SCO1: variants seen among roughly 807,000 people sequenced by gnomAD.
SCO1 encodes the protein cytochrome c oxidase assembly factor SCO1.
Under a neutral mutation model 34.0 loss-of-function variants are expected in SCO1, and 23 were observed. That is an observed-to-expected ratio of 0.68 (90% CI 0.49 to 0.96). SCO1 has a LOEUF of 0.96. Among genes scored for constraint, SCO1 ranks in the 40% least tolerant of loss-of-function variants. SCO1 has a pLI of 0.00. For synonymous variants in SCO1, 161 were observed against 145.5 expected, an observed-to-expected ratio of 1.11 and a Z score of -0.77; for missense variants, 404 against 381.6, an observed-to-expected ratio of 1.06 and a Z score of -0.49.
chr17:10,693,374 G>T, intron 2 of SCO1, among the ~76,000 whole-genome samples: 1 of 152,058 alleles, frequency 6.6e-6, no homozygotes, highest in East Asian at 1.9e-4. Flanking sequence ...GGTGATAGTG[G>T]TGACGGGACC....
Position 10,680,847 on chromosome 17 carries a change from A to G in SCO1, c.*272T>C, listed in dbSNP as rs2662956. Reference sequence around the variant, plus strand: ...GTGCCTCGCCCCGCCATGTCCTTCCACAGGTGGGCTCTTCACTGGCTTCAC... The same window carrying G: ...GTGCCTCGCCCCGCCATGTCCTTCCGCAGGTGGGCTCTTCACTGGCTTCAC... On this transcript the variant is annotated 3_prime_UTR_variant, in exon 6 of 6. Coordinates refer to ENST00000255390, the MANE Select transcript of SCO1 (RefSeq NM_004589.4). The G allele has an allele frequency of 0.017, 8,455 of 506,918 alleles. 490 individuals are homozygous for G. Among genetic ancestry groups the G allele is most frequent in the African/African-American group, 0.13 (6,785 of 51,934 alleles). 31.4% of individuals were successfully genotyped at this position (506,918 alleles called of 1,614,324 possible).
intron 5 of SCO1, 49 bp from the exon 6 acceptor site, chr17:10,681,302 G>A: frequency 6.3e-7 from 1 of 1,598,436 alleles, no homozygotes; most frequent in South Asian, 1.1e-5. Context: ...AAAATAAGCT[G>A]CTTATTTTAC....
intron 5 of SCO1, among the ~76,000 whole-genome samples, chr17:10,681,823 T>C (rs1273273333): frequency 1.3e-5 from 2 of 152,214 alleles, no homozygotes; most frequent in Non-Finnish European, 2.9e-5. Flanking sequence ...AGAAAACTAA[T>C]CATTAGTTTA....
chr17:10,692,641 A>G, intron 3 of SCO1, 123 bp downstream of exon 3: 1 of 802,234 alleles, frequency 1.2e-6, no homozygotes, highest in Non-Finnish European at 2.1e-6. Context: ...CCAAATGCTG[A>G]GATTTTATGT....
Position 10,681,146 on chromosome 17 carries a change from G to C in SCO1, c.879C>G (p.His293Gln). The C allele has an allele frequency of 6.2e-7, 1 of 1,614,180 alleles. No homozygotes were observed. Among genetic ancestry groups the C allele is most frequent in the Non-Finnish European group, 8.5e-7 (1 of 1,180,014 alleles). ...AGCTCTTTTTTCTGTATGGCCTCAT[G>C]TGTGTGGCAATTGAAGCAGCTATTT... Reference protein sequence around the residue: ...KGEIAASIATHMRPYRKKS With the variant: ...KGEIAASIATQMRPYRKKS The change falls in exon 6 of 6, where the codon CAC becomes CAG. Residue 293 changes from histidine to glutamine, a missense_variant. By Grantham distance (24) the His-to-Gln change is conservative. Coordinates refer to ENST00000255390, the MANE Select transcript of SCO1 (RefSeq NM_004589.4).
intron 4 of SCO1, among the ~76,000 whole-genome samples, chr17:10,688,855 G>T (rs919985401): frequency 7.1e-6 from 1 of 140,990 alleles, no homozygotes; most frequent in Admixed American, 6.8e-5. Flanking sequence ...GGTGGCTCAC[G>T]CCTGTAATCC....
chr17:10,686,120 T>C (rs920590416), intron 5 of SCO1, among the ~76,000 whole-genome samples: 1 of 152,078 alleles, frequency 6.6e-6, no homozygotes, highest in Non-Finnish European at 1.5e-5. Context: ...CACATGCCTG[T>C]AATCCCAGCT....
chr17:10,694,489 A>G (rs775426171), intron 2 of SCO1, among the ~76,000 whole-genome samples: 10 of 152,220 alleles, frequency 6.6e-5, no homozygotes, highest in Non-Finnish European at 1.3e-4. Flanking sequence ...ACTGAACAGC[A>G]GCAAAATTAT....
chr17:10,688,817 A>G (rs2074672380), intron 4 of SCO1, among the ~76,000 whole-genome samples: 1 of 152,254 alleles, frequency 6.6e-6, no homozygotes, highest in African/African-American at 2.4e-5. Flanking sequence ...ATCTTTATCA[A>G]TAGAAAGCAG....
Position 10,680,964 on chromosome 17 carries a change from A to G in SCO1, c.*155T>C, listed in dbSNP as rs1364311010. 2 of 913,786 alleles carry G rather than the reference A, an allele frequency of 2.2e-6. No homozygotes were observed. Among genetic ancestry groups the G allele is most frequent in the Non-Finnish European group, 3.5e-6 (2 of 571,710 alleles). 56.6% of individuals were successfully genotyped at this position (913,786 alleles called of 1,614,324 possible). ...CAAGAATCAATTTTGGTTGAACGCA[A>G]GGGTAACATCCCCATCCAAAACAGA... is the stretch of plus-strand genomic sequence containing the variant. On this transcript the variant is annotated 3_prime_UTR_variant, in exon 6 of 6. Coordinates refer to ENST00000255390, the MANE Select transcript of SCO1 (RefSeq NM_004589.4).
rs1334028698 is a variant in SCO1 at position 10,679,964 on chromosome 17, G to GC, written c.*1154_*1155insG. The GC allele has an allele frequency of 8.0e-5, 6 of 74,686 alleles. No individual in the cohort carries two copies. Among genetic ancestry groups the GC allele is most frequent in the African/African-American group, 3.0e-4 (5 of 16,828 alleles). The allele number at this position is 74,686 out of a possible 1,614,324, so 4.6% of individuals were successfully genotyped here. Reference sequence around the variant, plus strand: ...AAATCTTCTGTAGAGATGGGGGCGGGGGGGGGGGGTCTCACTATGTTGCCC... The same window carrying GC: ...AAATCTTCTGTAGAGATGGGGGCGGGCGGGGGGGGGTCTCACTATGTTGCCC... On this transcript the variant is annotated 3_prime_UTR_variant, in exon 6 of 6. Coordinates refer to ENST00000255390, the MANE Select transcript of SCO1 (RefSeq NM_004589.4).
chr17:10,691,000 T>C (rs2520181), intron 4 of SCO1, among the ~76,000 whole-genome samples: 5,922 of 152,188 alleles, frequency 0.039, 374 homozygotes, highest in African/African-American at 0.13. Context: ...CTCACAGAAG[T>C]AGAGAGAAGA....
intron 4 of SCO1, 43 bp downstream of exon 4, chr17:10,691,829 A>T (rs1424853866): frequency 7.5e-7 from 1 of 1,325,520 alleles, no homozygotes. Flanking sequence ...TATTCCAAAA[A>T]CTTTAAGGCT....
chr17:10,691,937 GT>G lies in SCO1; in HGVS notation c.589del (p.Thr197LeufsTer21). 6.2e-7 allele frequency: 1 copy of G among 1,613,314 alleles called. No homozygotes were observed. Among genetic ancestry groups the G allele is most frequent in the Non-Finnish European group, 8.5e-7 (1 of 1,179,260 alleles). On this transcript the variant is annotated frameshift_variant, in exon 4 of 6. Transcript: ENST00000255390. LOFTEE classifies it high-confidence loss of function. Reference sequence around the variant, plus strand: ...TGGGTCAATGCTGATGAAAAGTGGAGTTAGATCTGGCAGAGTTGTAATGCTA... The same window carrying G: ...TGGGTCAATGCTGATGAAAAGTGGAGTAGATCTGGCAGAGTTGTAATGCTA... ...IDSITTLPDLTPLFISIDPER... is the reference protein window; with the variant it reads ...IDSITTLPDLXPLFISIDPER...
rs1294117212 is a variant in SCO1, at chr17:10,679,041, G to C, written c.*2078C>G. The stretch of plus-strand genomic sequence containing the variant: ...CCTCACTGCCACCTCTGCCTCCTGG[G>C]TTCAAGCGATTCTCCTGCCTCAGCC... On this transcript the variant is annotated 3_prime_UTR_variant, in exon 6 of 6. Coordinates refer to ENST00000255390, the MANE Select transcript of SCO1 (RefSeq NM_004589.4). 6.6e-6 allele frequency: 1 copy of C among 152,248 alleles called. No homozygotes were observed. The highest frequency in any genetic ancestry group is 2.4e-5 in the African/African-American group (1 of 41,406). 9.4% of individuals were successfully genotyped at this position (152,248 alleles called of 1,614,324 possible). A position where few individuals can be genotyped will look rare whatever the true frequency, so the allele number is the denominator to read the frequency against.
intron 5 of SCO1, among the ~76,000 whole-genome samples, chr17:10,685,296 A>G (rs1159651649): frequency 1.3e-5 from 2 of 152,216 alleles, no homozygotes; most frequent in Non-Finnish European, 2.9e-5. Context: ...TGCCCAAACA[A>G]TATTATAGAA....
chr17:10,691,380 C>CA (rs2074688250), intron 4 of SCO1, among the ~76,000 whole-genome samples: 1 of 152,134 alleles, frequency 6.6e-6, no homozygotes, highest in Non-Finnish European at 1.5e-5. Context: ...TTTGGTCTCC[C>CA]AAAGTGCTGG....
At chr17:10,683,086 T>C (rs2151452548) in intron 5 of SCO1, among the ~76,000 whole-genome samples, 1 of 152,306 alleles carries the variant, frequency 6.6e-6, no homozygotes, top group Non-Finnish European at 1.5e-5. Flanking sequence ...CCAGTTAATG[T>C]ATACAATGAA....
Position 10,681,224 on chromosome 17 carries a change from A to C in SCO1, c.801T>G (p.Ile267Met), listed in dbSNP as rs1256458760. 6.2e-7 allele frequency: 1 copy of C among 1,614,174 alleles called. No homozygotes were observed. Among genetic ancestry groups the C allele is most frequent in the East Asian group, 2.2e-5 (1 of 44,874 alleles). Residue 267 changes from isoleucine (I) to methionine (M), a missense_variant, in exon 6 of 6, where the codon ATT (isoleucine) becomes ATG (methionine). Transcript: ENST00000255390. ...AATCTAGAAACTCACCATCTGGTCC[A>C]ATCAAGTACATTATTATTGTGTGAT... The part of the protein sequence containing the change: ...IVDHTIIMYL[I>M]GPDGEFLDYF...
Sources: allele counts gnomAD v4.1 joint callset (sites outside exome capture counted in the v4.1 genomes callset), GRCh38; gene constraint gnomAD v4.1.1; transcripts MANE v1.5; gene names NCBI Gene and HGNC (gene_info 2026-07-23, HGNC 2026-07-21).